CYFIP2: variants seen among roughly 807,000 people sequenced by gnomAD.
CYFIP2 encodes the protein cytoplasmic FMR1 interacting protein 2.
CYFIP2 carries 29 observed loss-of-function variants against 158.7 expected under a neutral mutation model. The ratio of observed to expected loss-of-function variants is 0.18; its 90% CI spans 0.14 to 0.25. The LOEUF is 0.25. Ranked by LOEUF, CYFIP2 falls within the 10% of genes least tolerant of loss-of-function variation. The probability of loss-of-function intolerance (pLI) is 1.00; values close to 1 mark genes in which losing one functional copy is unlikely to be tolerated. For synonymous variants in CYFIP2, 585 were observed against 617.6 expected (o/e 0.95, Z 0.78); for missense variants, 852 against 1,639.5 (o/e 0.52, Z 8.29).
At chr5:157,315,174 A>G in intron 13 of CYFIP2, 80 bp downstream of exon 13, 1 of 1,546,764 alleles carries the variant, frequency 6.5e-7, no homozygotes, top group South Asian at 1.3e-5. Flanking sequence ...TGAGCAAGAA[A>G]ACAGCATCGG....
chr5:157,305,076 A>T (rs758503296), intron 8 of CYFIP2, among the ~76,000 whole-genome samples: 19 of 152,158 alleles, frequency 1.2e-4, no homozygotes, highest in Non-Finnish European at 2.8e-4. Context: ...TGTGAATGCC[A>T]TTATTTTGTT....
At position 157,394,044 on chromosome 5, in the gene CYFIP2, G is replaced by A. The variant is rs1767558145; in HGVS notation, c.*1044G>A. ...AGATACACCCCCTGCCCCCAAAGAA[G>A]AGTCCTCTTTTAGGGAATCAGAACC... On this transcript the variant is annotated 3_prime_UTR_variant, in exon 31 of 31. Coordinates refer to ENST00000620254, the MANE Select transcript of CYFIP2 (RefSeq NM_001037333.3). The A allele has an allele frequency of 6.6e-6, 1 of 152,188 alleles. No homozygotes were observed. Among genetic ancestry groups the A allele is most frequent in the African/African-American group, 2.4e-5 (1 of 41,442 alleles). The allele number at this position is 152,188 out of a possible 1,614,324, so 9.4% of individuals were successfully genotyped here.
chr5:157,314,521 C>T (rs938077723), intron 12 of CYFIP2, 58 bp downstream of exon 12: 3 of 1,581,976 alleles, frequency 1.9e-6, no homozygotes, highest in African/African-American at 2.7e-5. Context: ...GAATCTGCCT[C>T]CATCTCCCCC....
chr5:157,342,627 G>A (rs1322507533), intron 23 of CYFIP2: 1 of 458,330 alleles, frequency 2.2e-6, no homozygotes, highest in Non-Finnish European at 3.9e-6. Context: ...TCTTAACTGT[G>A]TCCTCCGAGT....
chr5:157,303,478 C>T (rs1758951247), intron 7 of CYFIP2, among the ~76,000 whole-genome samples: 1 of 152,208 alleles, frequency 6.6e-6, no homozygotes, highest in Non-Finnish European at 1.5e-5. Flanking sequence ...ACTGTCACTT[C>T]AGCCTAAACA....
At chr5:157,357,384 T>G (rs1763483313) in intron 23 of CYFIP2, among the ~76,000 whole-genome samples, 1 of 152,236 alleles carries the variant, frequency 6.6e-6, no homozygotes, top group Non-Finnish European at 1.5e-5. Context: ...TCCAAAAGCA[T>G]CATTAGAATT....
In CYFIP2 at chr5:157,326,731, G is replaced by A. The variant is rs540783187; in HGVS notation, c.2079+464G>A. Reference sequence around the variant, plus strand: ...TAGAAGGGGAGAATGGGGCCTGAGTGCACACGCCCACCTTGACCTTATGGA... The same window carrying A: ...TAGAAGGGGAGAATGGGGCCTGAGTACACACGCCCACCTTGACCTTATGGA... On this transcript the variant is annotated intron_variant, in intron 18 of 30. Coordinates refer to ENST00000620254, the MANE Select transcript of CYFIP2 (RefSeq NM_001037333.3). 2.0e-5 allele frequency among the ~76,000 whole-genome samples: 3 copies of A among 152,338 alleles called. No individual in the cohort carries two copies. In the South Asian group the frequency reaches 6.2e-4, roughly 32 times the overall value.
intron 4 of CYFIP2, among the ~76,000 whole-genome samples, chr5:157,295,480 T>G (rs937473983): frequency 1.2e-4 from 19 of 152,342 alleles, no homozygotes; most frequent in African/African-American, 4.6e-4. Flanking sequence ...TTCCTCCCCC[T>G]TCCTTCTAAT....
At chr5:157,377,730 T>C (rs1765622849) in intron 26 of CYFIP2, among the ~76,000 whole-genome samples, 1 of 152,356 alleles carries the variant, frequency 6.6e-6, no homozygotes, top group Non-Finnish European at 1.5e-5. Context: ...TACAACCTTG[T>C]TGGGTATCTA....
chr5:157,338,182 T>C (rs1219178503), intron 21 of CYFIP2, among the ~76,000 whole-genome samples: 1 of 152,228 alleles, frequency 6.6e-6, no homozygotes, highest in Admixed American at 6.5e-5. Context: ...ACAAATGCCA[T>C]GTCCTGCTGT....
intron 3 of CYFIP2, chr5:157,288,558 A>G: frequency 2.2e-6 from 1 of 455,342 alleles, no homozygotes; most frequent in Non-Finnish European, 4.4e-6. Context: ...ATCCTCAGTG[A>G]GTCAAGTGGG....
Position 157,393,257 on chromosome 5 carries a change from C to G in CYFIP2, c.*257C>G. The G allele has an allele frequency of 2.8e-6, 1 of 360,462 alleles. No homozygotes were observed. Among genetic ancestry groups the G allele is most frequent in the South Asian group, 6.0e-5 (1 of 16,766 alleles). The allele number at this position is 360,462 out of a possible 1,614,324, so 22.3% of individuals were successfully genotyped here. On this transcript the variant is annotated 3_prime_UTR_variant, in exon 31 of 31. Transcript: ENST00000620254. Reference sequence around the variant, plus strand: ...GGGCAGTGTGTGCTTTTTCTTTTCTCCCCCCTCAACTATATTAAGAACTCC... The same window carrying G: ...GGGCAGTGTGTGCTTTTTCTTTTCTGCCCCCTCAACTATATTAAGAACTCC...
chr5:157,368,595 A>G (rs1174578005), intron 26 of CYFIP2, among the ~76,000 whole-genome samples: 1 of 152,202 alleles, frequency 6.6e-6, no homozygotes, highest in Non-Finnish European at 1.5e-5. Context: ...GAATGGAGGC[A>G]CTTTGACTCC....
At chr5:157,270,139 T>G (rs2032934) in intron 1 of CYFIP2, among the ~76,000 whole-genome samples, 121,491 of 152,142 alleles carry the variant, frequency 0.8, 49,184 homozygotes, top group East Asian at 0.99. Flanking sequence ...AGGACCTTCT[T>G]GCGAGATGCC....
chr5:157,326,882 G>T (rs780057108), intron 18 of CYFIP2, among the ~76,000 whole-genome samples: 1 of 152,204 alleles, frequency 6.6e-6, no homozygotes, highest in Non-Finnish European at 1.5e-5. Context: ...TGCATACCAC[G>T]TAGGGTGTGA....
At chr5:157,301,026 A>G in intron 6 of CYFIP2, 130 bp downstream of exon 6, 1 of 765,404 alleles carries the variant, frequency 1.3e-6, no homozygotes, top group Non-Finnish European at 2.0e-6. Flanking sequence ...CCATCCCCCA[A>G]ACATAGTGAG....
At chr5:157,343,317 G>A (rs1234262279) in intron 23 of CYFIP2, 1 of 1,614,096 alleles carries the variant, frequency 6.2e-7, no homozygotes, top group Admixed American at 1.7e-5. Flanking sequence ...CTGATGCACA[G>A]GAAGTAGAGA....
At chr5:157,374,222 G>C (rs879781351) in intron 26 of CYFIP2, among the ~76,000 whole-genome samples, 5 of 152,198 alleles carry the variant, frequency 3.3e-5, no homozygotes, top group Non-Finnish European at 7.3e-5. Context: ...AATAGTGGTT[G>C]ATGTATGAGG....
At chr5:157,325,135 C>T (rs1045751356) in intron 16 of CYFIP2, among the ~76,000 whole-genome samples, 3 of 152,066 alleles carry the variant, frequency 2.0e-5, no homozygotes, top group East Asian at 1.9e-4. Flanking sequence ...CCTCTGCGCC[C>T]GGCCACGAGC....
Sources: gnomAD v4.1 joint callset for allele counts (sites outside exome capture counted in the v4.1 genomes callset) on GRCh38, gnomAD v4.1.1 for gene constraint, MANE v1.5 for transcripts, NCBI Gene and HGNC (gene_info 2026-07-23, HGNC 2026-07-21) for gene names.